CDH13: variants seen among roughly 807,000 people sequenced by gnomAD.
CDH13 encodes cadherin-13.
In CDH13, 24 loss-of-function variants were observed where a neutral mutation model predicts 63.8. The observed-to-expected ratio is 0.38, with a 90% CI of 0.27 to 0.53. The LOEUF (loss-of-function observed/expected upper bound fraction) is 0.53. CDH13 is among the 20% of genes least tolerant of loss of function. The pLI is 0.85. For missense variants in CDH13, 1,049 were observed against 903.1 expected (o/e 1.16, Z -2.07); for synonymous variants, 503 against 355.3 (o/e 1.42, Z -4.67).
intron 1 of CDH13, among the ~76,000 whole-genome samples, chr16:82,796,147 G>T (rs1001999197): frequency 7.2e-5 from 11 of 152,168 alleles, no homozygotes; most frequent in Admixed American, 5.2e-4. Context: ...GGAAACCAAG[G>T]TTCTAGGCAG....
intron 4 of CDH13, among the ~76,000 whole-genome samples, chr16:83,146,355 G>C (rs1301272978): frequency 6.6e-6 from 1 of 152,240 alleles, no homozygotes; most frequent in Non-Finnish European, 1.5e-5. Context: ...ATGCCATGTA[G>C]GGGTTTGTCT....
intron 13 of CDH13, among the ~76,000 whole-genome samples, chr16:83,785,535 CATT>C (rs1279843770): frequency 6.6e-6 from 1 of 152,190 alleles, no homozygotes; most frequent in African/African-American, 2.4e-5. Flanking sequence ...TATAGCAACA[CATT>C]ATGCTTGTTT....
At chr16:83,201,761 C>CA (rs1371737794) in intron 4 of CDH13, among the ~76,000 whole-genome samples, 63 of 149,422 alleles carry the variant, frequency 4.2e-4, no homozygotes, top group African/African-American at 1.3e-3. Context: ...AAAAAAAACA[C>CA]AAAAAATTAG....
intron 8 of CDH13, among the ~76,000 whole-genome samples, chr16:83,611,899 CT>C (rs1908893557): frequency 6.6e-6 from 1 of 151,984 alleles, no homozygotes. Context: ...GATTACAGTC[CT>C]TTGACATTTG....
chr16:82,627,189 A>C, intron 1 of CDH13, 52 bp downstream of exon 1: 2 of 1,506,930 alleles, frequency 1.3e-6, no homozygotes, highest in Non-Finnish European at 9.1e-7. Context: ...CTGCATTCGG[A>C]TCGCCCGGCA....
intron 6 of CDH13, among the ~76,000 whole-genome samples, chr16:83,410,088 C>G (rs969964127): frequency 2.6e-5 from 4 of 152,160 alleles, no homozygotes; most frequent in African/African-American, 9.7e-5. Context: ...CTGAGAGTTG[C>G]AAGCACAAAT....
intron 2 of CDH13, among the ~76,000 whole-genome samples, chr16:82,984,962 G>T (rs554146210): frequency 1.1e-4 from 16 of 152,218 alleles, no homozygotes; most frequent in African/African-American, 3.9e-4. Context: ...TGCTTGCAAA[G>T]CCAGAACACC....
intron 1 of CDH13, among the ~76,000 whole-genome samples, chr16:82,664,325 C>G (rs961373996): frequency 6.6e-6 from 1 of 152,222 alleles, no homozygotes; most frequent in African/African-American, 2.4e-5. Flanking sequence ...TCTTGTCTCT[C>G]CAGGCTCCTG....
At chr16:83,261,633 A>G (rs557386055) in intron 5 of CDH13, among the ~76,000 whole-genome samples, 51 of 152,148 alleles carry the variant, frequency 3.4e-4, no homozygotes, top group African/African-American at 1.1e-3. Context: ...TCCAGTACAA[A>G]TGTCACTAGT....
At position 83,678,099 on chromosome 16, in the gene CDH13, C is replaced by A. The variant is rs1030623398; in HGVS notation, c.1285-109C>A. ...CAGGCTTAGCCTCCAAAGCCCAGCT[C>A]CATCCCTGAAGGCCCACTGTTGCTC... On this transcript the variant is annotated intron_variant, in intron 9 of 13. Transcript: ENST00000567109. 7.2e-6 allele frequency: 8 copies of A among 1,115,096 alleles called. No individual in the cohort carries two copies. In the African/African-American group the frequency reaches 1.2e-4, roughly 17 times the overall value. The allele number at this position is 1,115,096 out of a possible 1,614,324, so 69.1% of individuals were successfully genotyped here. A position where few individuals can be genotyped will look rare whatever the true frequency, so the allele number is the denominator to read the frequency against.
At chr16:82,746,247 G>A (rs2034165529) in intron 1 of CDH13, among the ~76,000 whole-genome samples, 1 of 86,856 alleles carries the variant, frequency 1.2e-5, no homozygotes, top group African/African-American at 3.2e-5. Flanking sequence ...TAAACACACT[G>A]TTTATATATA....
At chr16:82,908,873 T>A (rs1181259203) in intron 2 of CDH13, among the ~76,000 whole-genome samples, 1 of 152,194 alleles carries the variant, frequency 6.6e-6, no homozygotes, top group Non-Finnish European at 1.5e-5. Context: ...TATCCACATG[T>A]TTTTACCAAA....
intron 7 of CDH13, among the ~76,000 whole-genome samples, chr16:83,544,698 A>G (rs1233682057): frequency 6.6e-6 from 1 of 152,196 alleles, no homozygotes; most frequent in African/African-American, 2.4e-5. Flanking sequence ...TGTGAAGTCA[A>G]AAAATTATGA....
chr16:82,753,007 C>T (rs1334558283), intron 1 of CDH13, among the ~76,000 whole-genome samples: 2 of 152,132 alleles, frequency 1.3e-5, no homozygotes, highest in Non-Finnish European at 1.5e-5. Flanking sequence ...GTATTCATTG[C>T]CTTTGCTTTT....
At chr16:82,690,665 A>T (rs781000437) in intron 1 of CDH13, among the ~76,000 whole-genome samples, 7 of 152,242 alleles carry the variant, frequency 4.6e-5, no homozygotes, top group Non-Finnish European at 1.0e-4. Context: ...ACAGTAATGA[A>T]GCAGAACTAC....
chr16:82,814,629 G>A (rs2151186987), intron 1 of CDH13, among the ~76,000 whole-genome samples: 1 of 152,282 alleles, frequency 6.6e-6, no homozygotes, highest in South Asian at 2.1e-4. Context: ...CTCTTGGTGT[G>A]ACTGTTCATC....
At chr16:82,722,488 G>T (rs980953153) in intron 1 of CDH13, among the ~76,000 whole-genome samples, 7 of 152,146 alleles carry the variant, frequency 4.6e-5, no homozygotes, top group South Asian at 4.2e-4. Flanking sequence ...TGGGTCCCAT[G>T]AACACGGTAC....
At chr16:82,886,077 T>G (rs2040877605) in intron 2 of CDH13, among the ~76,000 whole-genome samples, 1 of 152,214 alleles carries the variant, frequency 6.6e-6, no homozygotes, top group South Asian at 2.1e-4. Flanking sequence ...TATATTTCAT[T>G]TATGTTACTG....
intron 1 of CDH13, among the ~76,000 whole-genome samples, chr16:82,671,607 G>C (rs1280990367): frequency 6.6e-6 from 1 of 152,128 alleles, no homozygotes; most frequent in Non-Finnish European, 1.5e-5. Flanking sequence ...CTAATCCTTT[G>C]TGGTCACTGA....
Sources: gnomAD v4.1 joint callset for allele counts (sites outside exome capture counted in the v4.1 genomes callset) on GRCh38, gnomAD v4.1.1 for gene constraint, MANE v1.5 for transcripts, NCBI Gene and HGNC (gene_info 2026-07-23, HGNC 2026-07-21) for gene names.